The following CDKAL1 variants were observed in gnomAD, a reference collection of about 807,000 sequenced individuals.
CDKAL1 encodes the protein threonylcarbamoyladenosine tRNA methylthiotransferase.
CDKAL1 carries 32 observed loss-of-function variants against 68.2 expected under a neutral mutation model. The observed-to-expected ratio is 0.47, with a 90% CI of 0.35 to 0.63. The LOEUF (loss-of-function observed/expected upper bound fraction) is 0.63. CDKAL1 is among the 30% of genes least tolerant of loss of function. CDKAL1 has a pLI of 0.00. For missense variants in CDKAL1, 606 were observed against 696.7 expected (o/e 0.87, Z 1.47); for synonymous variants, 234 against 244.3 (o/e 0.96, Z 0.39).
intron 12 of CDKAL1, among the ~76,000 whole-genome samples, chr6:21,103,387 CTTTAG>C (rs761981041): frequency 5.3e-5 from 8 of 150,052 alleles, no homozygotes; most frequent in Non-Finnish European, 1.2e-4. Flanking sequence ...CTCTTGGGGT[CTTTAG>C]TTTTGTTTGG....
intron 13 of CDKAL1, among the ~76,000 whole-genome samples, chr6:21,169,323 G>GA (rs1374574515): frequency 2.0e-5 from 3 of 152,326 alleles, no homozygotes; most frequent in African/African-American, 7.2e-5. Context: ...CTGACAAGAT[G>GA]AAAAAGTGAT....
intron 5 of CDKAL1, among the ~76,000 whole-genome samples, chr6:20,683,751 T>A (rs2206736): frequency 0.13 from 19,149 of 152,242 alleles, 1,595 homozygotes; most frequent in Non-Finnish European, 0.19. Flanking sequence ...TAGTTTACAT[T>A]AAAGTTGACT....
At chr6:20,813,201 C>T (rs1776896700) in intron 8 of CDKAL1, among the ~76,000 whole-genome samples, 1 of 152,150 alleles carries the variant, frequency 6.6e-6, no homozygotes, top group Non-Finnish European at 1.5e-5. Flanking sequence ...CCCACTTTGG[C>T]CTCCCAAAGT....
chr6:21,041,191 T>C (rs1582081025), intron 11 of CDKAL1, among the ~76,000 whole-genome samples: 2 of 152,354 alleles, frequency 1.3e-5, no homozygotes, highest in Admixed American at 1.3e-4. Flanking sequence ...TATTGACTTC[T>C]ATATACAACA....
intron 13 of CDKAL1, among the ~76,000 whole-genome samples, chr6:21,167,138 C>A (rs1338786575): frequency 1.3e-5 from 2 of 152,278 alleles, no homozygotes; most frequent in African/African-American, 2.4e-5. Context: ...GTTTGTACAT[C>A]TATTATGGGC....
intron 4 of CDKAL1, among the ~76,000 whole-genome samples, chr6:20,579,986 G>C (rs1765075296): frequency 6.6e-6 from 1 of 152,172 alleles, no homozygotes; most frequent in Admixed American, 6.5e-5. Context: ...CCTCAGCAAA[G>C]CTAATTACAT....
intron 4 of CDKAL1, 134 bp from the exon 5 acceptor site, chr6:20,649,159 A>C: frequency 1.6e-6 from 1 of 632,534 alleles, no homozygotes; most frequent in South Asian, 1.8e-5. Flanking sequence ...GCAATTTTCT[A>C]CTGTGTTGTA....
At chr6:21,130,872 T>C (rs1562056194) in intron 13 of CDKAL1, among the ~76,000 whole-genome samples, 1 of 152,128 alleles carries the variant, frequency 6.6e-6, no homozygotes, top group African/African-American at 2.4e-5. Context: ...TGGCAGAAAT[T>C]GCCAATGCCA....
intron 4 of CDKAL1, among the ~76,000 whole-genome samples, chr6:20,597,200 C>T (rs567508382): frequency 1.3e-5 from 2 of 152,284 alleles, no homozygotes; most frequent in African/African-American, 2.4e-5. Flanking sequence ...GTGATCTCAA[C>T]TCACTGCAAC....
chr6:21,156,582 G>C (rs1776656999), intron 13 of CDKAL1, among the ~76,000 whole-genome samples: 1 of 152,030 alleles, frequency 6.6e-6, no homozygotes, highest in African/African-American at 2.4e-5. Context: ...GTAAAGAAGG[G>C]AAAGAGAAAG....
chr6:20,643,150 G>A (rs530145058), intron 4 of CDKAL1, among the ~76,000 whole-genome samples: 1 of 152,200 alleles, frequency 6.6e-6, no homozygotes, highest in East Asian at 1.9e-4. Context: ...TTCTTTCTTG[G>A]GCACTCTCTA....
intron 6 of CDKAL1, chr6:20,756,866 T>TCCCC (rs71540606): frequency 2.1e-5 from 1 of 46,542 alleles, no homozygotes; most frequent in Non-Finnish European, 4.1e-5. Flanking sequence ...CTTCCTTCCT[T>TCCCC]CCTTCCTTCC....
intron 12 of CDKAL1, among the ~76,000 whole-genome samples, chr6:21,069,447 T>C (rs1343122701): frequency 6.6e-6 from 1 of 152,214 alleles, no homozygotes; most frequent in Non-Finnish European, 1.5e-5. Context: ...TATTATAACC[T>C]ACATTGAATG....
chr6:21,190,423 A>G (rs1281181554), intron 13 of CDKAL1, among the ~76,000 whole-genome samples: 1 of 151,366 alleles, frequency 6.6e-6, no homozygotes, highest in Non-Finnish European at 1.5e-5. Flanking sequence ...GCTGGAGTGC[A>G]ATGGCGTGAT....
chr6:20,717,540 C>A (rs1399678340), intron 5 of CDKAL1, among the ~76,000 whole-genome samples: 1 of 151,894 alleles, frequency 6.6e-6, no homozygotes, highest in Non-Finnish European at 1.5e-5. Flanking sequence ...AACAGCGGTT[C>A]CTTCTTCTTG....
intron 10 of CDKAL1, among the ~76,000 whole-genome samples, chr6:20,981,167 A>G (rs1329359385): frequency 6.6e-6 from 1 of 152,202 alleles, no homozygotes; most frequent in Non-Finnish European, 1.5e-5. Context: ...CTTCTTTTAT[A>G]TAATCAGTGA....
chr6:21,132,247 A>G (rs973438242), intron 13 of CDKAL1, among the ~76,000 whole-genome samples: 1 of 152,164 alleles, frequency 6.6e-6, no homozygotes, highest in Non-Finnish European at 1.5e-5. Flanking sequence ...AATATCCATC[A>G]TTAAGGAAAT....
intron 11 of CDKAL1, among the ~76,000 whole-genome samples, chr6:21,001,968 G>A (rs1196026126): frequency 6.6e-6 from 1 of 152,186 alleles, no homozygotes; most frequent in Admixed American, 6.5e-5. Context: ...GCATTAGTGT[G>A]ATTAAACGAG....
intron 9 of CDKAL1, among the ~76,000 whole-genome samples, chr6:20,880,534 C>T (rs918916391): frequency 2.6e-5 from 4 of 152,080 alleles, no homozygotes; most frequent in Non-Finnish European, 2.9e-5. Flanking sequence ...AGATTACAGG[C>T]GTGAGCCACC....
Sources: gnomAD v4.1 joint callset for allele counts (sites outside exome capture counted in the v4.1 genomes callset) on GRCh38, gnomAD v4.1.1 for gene constraint, MANE v1.5 for transcripts, NCBI Gene and HGNC (gene_info 2026-07-23, HGNC 2026-07-21) for gene names.